ADGRL3: variants seen among roughly 807,000 people sequenced by gnomAD.
The protein encoded by ADGRL3 is adhesion G protein-coupled receptor L3.
Under a neutral mutation model 153.5 loss-of-function variants are expected in ADGRL3, and 62 were observed. The observed-to-expected ratio is 0.40, with a 90% CI of 0.33 to 0.50. ADGRL3 has a LOEUF of 0.50. Ranked by LOEUF, ADGRL3 falls within the 20% of genes least tolerant of loss-of-function variation. The probability of loss-of-function intolerance (pLI) is 0.47; values close to 1 mark genes in which losing one functional copy is unlikely to be tolerated. For synonymous variants in ADGRL3, 710 were observed against 672.5 expected (o/e 1.06, Z -0.86); for missense variants, 1,641 against 1,859.4 (o/e 0.88, Z 2.16).
At chr4:61,704,730 C>A (rs948873690) in intron 6 of ADGRL3, among the ~76,000 whole-genome samples, 3 of 152,204 alleles carry the variant, frequency 2.0e-5, no homozygotes, top group Non-Finnish European at 4.4e-5. Context: ...TCCACCCTCT[C>A]AAATCCCGCC....
intron 1 of ADGRL3, among the ~76,000 whole-genome samples, chr4:61,314,190 G>A (rs1239108566): frequency 6.6e-6 from 1 of 151,470 alleles, no homozygotes; most frequent in Non-Finnish European, 1.5e-5. Flanking sequence ...TGTTTTATCT[G>A]AGTATACCTA....
chr4:61,390,781 G>T (rs2096793031), intron 2 of ADGRL3, among the ~76,000 whole-genome samples: 1 of 152,112 alleles, frequency 6.6e-6, no homozygotes, highest in African/African-American at 2.4e-5. Flanking sequence ...ATACAAAACA[G>T]TTTTATCACC....
At position 61,382,459 on chromosome 4, in the gene ADGRL3, G is replaced by T. The variant is rs150650056; in HGVS notation, c.-239-665G>T. On this transcript the variant is annotated intron_variant, in intron 1 of 26. Transcript: ENST00000683033. Reference sequence around the variant, plus strand: ...CTTTGAACGATAATACTATTTTCTGGGTGTAAAAAGTCTGTTTTATTATTT... The same window carrying T: ...CTTTGAACGATAATACTATTTTCTGTGTGTAAAAAGTCTGTTTTATTATTT... 2.6e-3 allele frequency among the ~76,000 whole-genome samples: 392 copies of T among 151,068 alleles called. 5 individuals carry two copies. Among genetic ancestry groups the T allele is most frequent in the African/African-American group, 9.1e-3 (375 of 41,316 alleles).
chr4:61,715,947 T>TAAAAAAAA (rs59481591), intron 6 of ADGRL3, among the ~76,000 whole-genome samples: 1 of 85,428 alleles, frequency 1.2e-5, no homozygotes. Context: ...GCCCTTAAAG[T>TAAAAAAAA]AAAAAAAAAA....
chr4:61,565,980 A>G (rs75229477), intron 4 of ADGRL3, among the ~76,000 whole-genome samples: 6,696 of 152,276 alleles, frequency 0.044, 470 homozygotes, highest in African/African-American at 0.15. Context: ...ATGATTTCCA[A>G]TTTACAGTTG....
intron 13 of ADGRL3, among the ~76,000 whole-genome samples, chr4:61,922,969 G>A (rs760063025): frequency 4.6e-5 from 7 of 152,210 alleles, no homozygotes; most frequent in Non-Finnish European, 8.8e-5. Context: ...ACTTCACTTC[G>A]TGCGGATCAG....
At chr4:61,397,093 T>C (rs2096877077) in intron 2 of ADGRL3, among the ~76,000 whole-genome samples, 1 of 151,810 alleles carries the variant, frequency 6.6e-6, no homozygotes, top group Non-Finnish European at 1.5e-5. Flanking sequence ...GTGCAGTTTC[T>C]AGGACTTCAA....
intron 17 of ADGRL3, among the ~76,000 whole-genome samples, chr4:61,955,763 A>G (rs964208231): frequency 6.6e-6 from 1 of 151,884 alleles, no homozygotes; most frequent in Non-Finnish European, 1.5e-5. Flanking sequence ...TTCAACTCCT[A>G]CTTATGAGTG....
chr4:61,292,475 A>C (rs2094256326), intron 1 of ADGRL3, among the ~76,000 whole-genome samples: 1 of 152,204 alleles, frequency 6.6e-6, no homozygotes, highest in Admixed American at 6.5e-5. Context: ...GCTAGCTTGT[A>C]CATGCATGTT....
chr4:61,554,101 T>TTC (rs1425106757), intron 4 of ADGRL3, among the ~76,000 whole-genome samples: 1 of 20,338 alleles, frequency 4.9e-5, no homozygotes, highest in East Asian at 0.017. Flanking sequence ...GCTTGGGCCA[T>TTC]TTTTTTTTTT....
chr4:61,867,894 C>T (rs2098412656), intron 9 of ADGRL3, among the ~76,000 whole-genome samples: 1 of 151,794 alleles, frequency 6.6e-6, no homozygotes, highest in African/African-American at 2.4e-5. Context: ...ATATTATTTT[C>T]TTGAGATATA....
At chr4:61,735,503 GT>G (rs1260967697) in intron 8 of ADGRL3, among the ~76,000 whole-genome samples, 1 of 152,104 alleles carries the variant, frequency 6.6e-6, no homozygotes, top group Non-Finnish European at 1.5e-5. Flanking sequence ...GCATTCTACA[GT>G]TTAAAACCTG....
At chr4:62,060,481 AT>A (rs551343106) in intron 25 of ADGRL3, among the ~76,000 whole-genome samples, 215 of 151,992 alleles carry the variant, frequency 1.4e-3, no homozygotes, top group Non-Finnish European at 2.6e-3. Context: ...ACACTAGTTC[AT>A]TTTAACTTAT....
intron 6 of ADGRL3, among the ~76,000 whole-genome samples, chr4:61,713,970 C>A (rs150659082): frequency 1.3e-5 from 2 of 152,072 alleles, no homozygotes; most frequent in African/African-American, 4.8e-5. Flanking sequence ...TTCTCCATTC[C>A]CAGGATTGAC....
intron 21 of ADGRL3, among the ~76,000 whole-genome samples, chr4:62,003,901 G>C (rs1253384405): frequency 6.6e-6 from 1 of 152,086 alleles, no homozygotes; most frequent in Admixed American, 6.6e-5. Flanking sequence ...AGTATCCTCA[G>C]TGAGCTTGGA....
intron 5 of ADGRL3, among the ~76,000 whole-genome samples, chr4:61,613,335 G>A (rs896671224): frequency 6.6e-6 from 1 of 152,140 alleles, no homozygotes. Flanking sequence ...CTACAAAGAA[G>A]AATCATCTTT....
At chr4:61,613,611 G>A (rs1287376323) in intron 5 of ADGRL3, among the ~76,000 whole-genome samples, 1 of 152,076 alleles carries the variant, frequency 6.6e-6, no homozygotes, top group Non-Finnish European at 1.5e-5. Flanking sequence ...GGGTGTGGTG[G>A]TGCACACCTG....
At chr4:61,681,416 T>C (rs1053288213) in intron 6 of ADGRL3, among the ~76,000 whole-genome samples, 1 of 152,098 alleles carries the variant, frequency 6.6e-6, no homozygotes, top group African/African-American at 2.4e-5. Context: ...ATAAAGCATA[T>C]ATTACTTATT....
At chr4:61,865,820 G>T (rs1303918490) in intron 9 of ADGRL3, among the ~76,000 whole-genome samples, 4 of 152,186 alleles carry the variant, frequency 2.6e-5, no homozygotes, top group African/African-American at 9.7e-5. Flanking sequence ...GGCAGGAAAG[G>T]TCTTAAGTGA....
Sources: gnomAD v4.1 joint callset for allele counts (sites outside exome capture counted in the v4.1 genomes callset) on GRCh38, gnomAD v4.1.1 for gene constraint, MANE v1.5 for transcripts, NCBI Gene and HGNC (gene_info 2026-07-23, HGNC 2026-07-21) for gene names.